Variants in CHRNA1 observed in about 807,000 individuals in gnomAD.
CHRNA1 encodes the protein cholinergic receptor nicotinic alpha 1 subunit.
CHRNA1 carries 35 observed loss-of-function variants against 47.1 expected under a neutral mutation model. The observed-to-expected ratio is 0.74, with a 90% CI of 0.57 to 0.99. The LOEUF is 0.99. Ranked by LOEUF, CHRNA1 falls within the 50% of genes least tolerant of loss-of-function variation. The probability of loss-of-function intolerance (pLI) is 0.00; values close to 1 mark genes in which losing one functional copy is unlikely to be tolerated. For missense variants in CHRNA1, 506 were observed against 591.1 expected, an observed-to-expected ratio of 0.86 and a Z score of 1.49; for synonymous variants, 229 against 223.6, an observed-to-expected ratio of 1.02 and a Z score of -0.22.
At chr2:174,755,665 G>A (rs1247419124) in intron 4 of CHRNA1, among the ~76,000 whole-genome samples, 4 of 152,090 alleles carry the variant, frequency 2.6e-5, no homozygotes, top group Non-Finnish European at 5.9e-5. Flanking sequence ...TGATCTGCCC[G>A]CCTCAGCCTC....
At chr2:174,749,073 T>C (rs534919243) in intron 7 of CHRNA1, among the ~76,000 whole-genome samples, 6 of 152,216 alleles carry the variant, frequency 3.9e-5, no homozygotes, top group African/African-American at 1.2e-4. Context: ...GGAGCCCATG[T>C]GCAGTCATCG....
chr2:174,757,323 T>C (rs1447605151), intron 4 of CHRNA1, among the ~76,000 whole-genome samples: 1 of 152,028 alleles, frequency 6.6e-6, no homozygotes, highest in African/African-American at 2.4e-5. Context: ...AGAGTGATTT[T>C]TTTTTTTAAT....
At chr2:174,759,929 TACACACACACACACAC>T (rs5836472) in intron 1 of CHRNA1, among the ~76,000 whole-genome samples, 6 of 143,984 alleles carry the variant, frequency 4.2e-5, no homozygotes, top group Non-Finnish European at 9.0e-5. Context: ...GTTTGCCAGG[TACACACACACACACAC>T]ACACACACAC....
chr2:174,756,510 C>T (rs957543052), intron 4 of CHRNA1, among the ~76,000 whole-genome samples: 2 of 152,286 alleles, frequency 1.3e-5, no homozygotes, highest in African/African-American at 4.8e-5. Flanking sequence ...TCCCAATAAG[C>T]AACAAAACAG....
chr2:174,750,638 T>C (rs1174120922), intron 6 of CHRNA1, among the ~76,000 whole-genome samples: 3 of 152,172 alleles, frequency 2.0e-5, no homozygotes, highest in East Asian at 1.9e-4. Flanking sequence ...GACTGACATG[T>C]TCTCAAAGCA....
chr2:174,748,625 G>T lies in CHRNA1; in HGVS notation c.1197C>A (p.Ile399=), dbSNP rs775542425. The T allele has an allele frequency of 6.2e-7, 1 of 1,613,998 alleles. No individual in the cohort carries two copies. Among genetic ancestry groups the T allele is most frequent in the Non-Finnish European group, 8.5e-7 (1 of 1,179,968 alleles). ...HPEVKSAIEG[I]KYIAETMKSD... ...ACTTCATGGTCTCTGCGATGTACTT[G>T]ATGCCCTCGATGGCACTTTTCACCT... Residue 399 remains isoleucine (I), a synonymous_variant, in exon 8 of 9, where the codon ATC becomes ATA. Transcript: ENST00000348749.
At chr2:174,759,959 C>CACACACA (rs1684071005) in intron 1 of CHRNA1, among the ~76,000 whole-genome samples, 1 of 138,198 alleles carries the variant, frequency 7.2e-6, no homozygotes, top group African/African-American at 2.6e-5. Context: ...CACACACACA[C>CACACACA]GAAAAAAAAG....
Position 174,758,837 on chromosome 2 carries a change from A to G in CHRNA1, c.234+494T>C, listed in dbSNP as rs953252991. ...AGTCATTAAAATAGACTGTCATTCA[A>G]TATGACTGGTGTCTTCATAAAAAGG... On this transcript the variant is annotated intron_variant, in intron 3 of 8. Coordinates refer to ENST00000348749, the MANE Select transcript of CHRNA1 (RefSeq NM_000079.4). 7.2e-5 allele frequency among the ~76,000 whole-genome samples: 11 copies of G among 152,190 alleles called. 1 individual carries two copies. The highest frequency in any genetic ancestry group is 3.3e-4 in the Admixed American group (5 of 15,284).
At chr2:174,757,920 C>A (rs750833325) in intron 3 of CHRNA1, 16 of 1,311,882 alleles carry the variant, frequency 1.2e-5, no homozygotes, top group Non-Finnish European at 1.5e-5. Context: ...TCACAACAAT[C>A]CCGTGAGGGG....
In CHRNA1 at chr2:174,750,206, C is replaced by A. The variant is rs1476422911; in HGVS notation, c.779-37G>T. 11 of 1,523,638 alleles carry A rather than the reference C, an allele frequency of 7.2e-6. 1 individual carries two copies. In the South Asian group the frequency reaches 1.3e-4, roughly 17 times the overall value. The allele number at this position is 1,523,638 out of a possible 1,614,324, so 94.4% of individuals were successfully genotyped here. ...AAAAAAAAAAAAAAAAATCCCACAA[C>A]TACCCATCTGGGTTGGGCTGCAGTG... On this transcript the variant is annotated intron_variant, in intron 6 of 8. Coordinates refer to ENST00000348749, the MANE Select transcript of CHRNA1 (RefSeq NM_000079.4).
At chr2:174,749,819 C>T (rs1683810133) in intron 7 of CHRNA1, 127 bp downstream of exon 7, 3 of 820,068 alleles carry the variant, frequency 3.7e-6, no homozygotes, top group Non-Finnish European at 6.1e-6. Context: ...TCCAAAAATT[C>T]CCTAAAGCCC....
chr2:174,759,131 C>T (rs928130366), intron 3 of CHRNA1, among the ~76,000 whole-genome samples, 200 bp downstream of exon 3: 4 of 152,028 alleles, frequency 2.6e-5, no homozygotes, highest in African/African-American at 9.7e-5. Flanking sequence ...CCCTAGCAAA[C>T]TAACACACAC....
Position 174,764,458 on chromosome 2 carries a change from G to T in CHRNA1, c.-64C>A. The T allele has an allele frequency of 1.3e-6, 2 of 1,542,078 alleles. No individual in the cohort carries two copies. The highest frequency in any genetic ancestry group is 1.8e-6 in the Non-Finnish European group (2 of 1,122,320). ...GCCTGTGCTTCTCACTGGCACTCTG[G>T]CTGGGTGCTTGTCTGCTGGAGGGTT... On this transcript the variant is annotated 5_prime_UTR_variant, in exon 1 of 9. Coordinates refer to ENST00000348749, the MANE Select transcript of CHRNA1 (RefSeq NM_000079.4).
chr2:174,761,023 G>C (rs1300319713), intron 1 of CHRNA1, among the ~76,000 whole-genome samples: 1 of 152,154 alleles, frequency 6.6e-6, no homozygotes, highest in African/African-American at 2.4e-5. Flanking sequence ...ACTTGTCCAA[G>C]GTCATGTGAC....
chr2:174,751,612 A>G (rs1683851556), intron 6 of CHRNA1, among the ~76,000 whole-genome samples: 1 of 152,056 alleles, frequency 6.6e-6, no homozygotes, highest in African/African-American at 2.4e-5. Flanking sequence ...AATAATAGCC[A>G]ACATTTATCA....
At position 174,759,341 on chromosome 2, in the gene CHRNA1, C is replaced by T. The variant is rs147488907; in HGVS notation, c.224G>A (p.Arg75His). The T allele has an allele frequency of 7.6e-4, 1,225 of 1,614,006 alleles. 1 individual carries two copies. Among genetic ancestry groups the T allele is most frequent in the Non-Finnish European group, 9.7e-4 (1,142 of 1,179,958 alleles). The change falls in exon 3 of 9, where the codon CGT (arginine) becomes CAT (histidine). Residue 75 changes from arginine to histidine, a missense_variant. By Grantham distance (29) the Arg-to-His change is conservative. Transcript: ENST00000348749. ...ATCTGGCTAAGTTACCTGTTTCAGA[C>T]GCACATTGGTTGTCACGATCTGATT... ...EVNQIVTTNV[R>H]LKQQWVDYNL...
chr2:174,753,799 T>A, intron 5 of CHRNA1, 59 bp from the exon 6 acceptor site: 1 of 1,518,624 alleles, frequency 6.6e-7, no homozygotes, highest in Non-Finnish European at 9.1e-7. Flanking sequence ...AGGGGCAGCG[T>A]TTTGTAATCA....
intron 1 of CHRNA1, among the ~76,000 whole-genome samples, chr2:174,763,749 A>T (rs528119081): frequency 7.3e-4 from 106 of 146,110 alleles, no homozygotes; most frequent in African/African-American, 1.8e-3. Context: ...GTAACATCTT[A>T]AAAAAAAAAA....
chr2:174,752,175 G>A (rs1683867632), intron 6 of CHRNA1, among the ~76,000 whole-genome samples: 1 of 151,950 alleles, frequency 6.6e-6, no homozygotes, highest in African/African-American at 2.4e-5. Context: ...ACTAGCCTGG[G>A]CAACATAGCA....
Sources: allele counts gnomAD v4.1 joint callset (sites outside exome capture counted in the v4.1 genomes callset), GRCh38; gene constraint gnomAD v4.1.1; transcripts MANE v1.5; gene names NCBI Gene and HGNC (gene_info 2026-07-23, HGNC 2026-07-21).